The following CCDC148 variants were observed in gnomAD, a reference collection of about 807,000 sequenced individuals.
The protein encoded by CCDC148 is coiled-coil domain-containing protein 148.
CCDC148 carries 89 observed loss-of-function variants against 85.7 expected under a neutral mutation model. That is an observed-to-expected ratio of 1.04 (90% CI 0.87 to 1.24). CCDC148 has a LOEUF of 1.24. CCDC148 is among the 50% of genes most tolerant of loss of function. CCDC148 has a pLI of 0.00. For synonymous variants in CCDC148, 230 were observed against 213.9 expected, an observed-to-expected ratio of 1.08 and a Z score of -0.66; for missense variants, 692 against 671.7, an observed-to-expected ratio of 1.03 and a Z score of -0.33.
chr2:158,176,201 AAAC>A (rs1684574431), intron 13 of CCDC148, among the ~76,000 whole-genome samples: 1 of 151,916 alleles, frequency 6.6e-6, no homozygotes, highest in Non-Finnish European at 1.5e-5. Context: ...ATAAACATTT[AAAC>A]AACAAAATAC....
intron 11 of CCDC148, among the ~76,000 whole-genome samples, chr2:158,200,765 TTCCCTTTTAA>T (rs917132440): frequency 1.5e-4 from 23 of 152,300 alleles, no homozygotes; most frequent in Middle Eastern, 3.4e-3. Flanking sequence ...GGCATATTTT[TTCCCTTTTAA>T]TTTAGTAATT....
chr2:158,400,202 A>G (rs1312030980), intron 1 of CCDC148, among the ~76,000 whole-genome samples: 1 of 152,200 alleles, frequency 6.6e-6, no homozygotes, highest in African/African-American at 2.4e-5. Flanking sequence ...GAATTCGAAT[A>G]AACTACTTCA....
intron 2 of CCDC148, among the ~76,000 whole-genome samples, chr2:158,355,706 C>T (rs1186335937): frequency 7.6e-6 from 1 of 131,488 alleles, no homozygotes; most frequent in African/African-American, 3.2e-5. Flanking sequence ...CAATGCCTTT[C>T]TTCACAGAAT....
At chr2:158,447,131 G>T (rs541125253) in intron 1 of CCDC148, 1 of 152,264 alleles carries the variant, frequency 6.6e-6, no homozygotes, top group East Asian at 1.9e-4. Flanking sequence ...TATGGTATAA[G>T]TTTATATTTA....
chr2:158,425,895 C>T (rs1687054719), intron 1 of CCDC148, among the ~76,000 whole-genome samples: 1 of 152,144 alleles, frequency 6.6e-6, no homozygotes, highest in Non-Finnish European at 1.5e-5. Flanking sequence ...TTCTAGTAGA[C>T]CATGTGTCCT....
At chr2:158,361,215 T>C (rs1683930296) in intron 1 of CCDC148, among the ~76,000 whole-genome samples, 1 of 150,500 alleles carries the variant, frequency 6.6e-6, no homozygotes, top group African/African-American at 2.4e-5. Flanking sequence ...TACCTGAAAG[T>C]GACAGGGAGA....
At chr2:158,315,192 G>A (rs561413012) in intron 7 of CCDC148, among the ~76,000 whole-genome samples, 125 of 152,280 alleles carry the variant, frequency 8.2e-4, no homozygotes, top group Middle Eastern at 3.4e-3. Context: ...AAGCAGTTAT[G>A]CACGTATAGA....
chr2:158,246,446 A>G (rs1688572930), intron 10 of CCDC148, among the ~76,000 whole-genome samples: 1 of 152,168 alleles, frequency 6.6e-6, no homozygotes, highest in African/African-American at 2.4e-5. Context: ...CCTCAAACAC[A>G]TAGAAATGCT....
At chr2:158,367,548 A>AT (rs1455453575) in intron 1 of CCDC148, among the ~76,000 whole-genome samples, 2 of 152,072 alleles carry the variant, frequency 1.3e-5, no homozygotes, top group Non-Finnish European at 1.5e-5. Context: ...ACCCTGTCTA[A>AT]TTTTTTCCTC....
intron 11 of CCDC148, among the ~76,000 whole-genome samples, chr2:158,197,915 T>C (rs1412050647): frequency 6.6e-6 from 1 of 152,096 alleles, no homozygotes; most frequent in Non-Finnish European, 1.5e-5. Context: ...AATTAATCAA[T>C]TAATTCTAAT....
intron 11 of CCDC148, among the ~76,000 whole-genome samples, chr2:158,195,471 G>A (rs1348536559): frequency 2.6e-5 from 4 of 152,008 alleles, no homozygotes; most frequent in African/African-American, 9.7e-5. Context: ...CTTGTTCCCT[G>A]TGAAGTTTTG....
At chr2:158,440,708 A>AT (rs1032130666) in intron 1 of CCDC148, among the ~76,000 whole-genome samples, 1 of 152,212 alleles carries the variant, frequency 6.6e-6, no homozygotes, top group Non-Finnish European at 1.5e-5. Flanking sequence ...AAATATCTTA[A>AT]TTTTTTGGCA....
chr2:158,311,339 C>A, intron 8 of CCDC148, among the ~76,000 whole-genome samples: 1 of 152,336 alleles, frequency 6.6e-6, no homozygotes, highest in Middle Eastern at 3.4e-3. Flanking sequence ...GGCGTGGCGG[C>A]GCGAGCCTGC....
intron 9 of CCDC148, among the ~76,000 whole-genome samples, chr2:158,277,784 G>C (rs182817794): frequency 1.8e-3 from 271 of 152,280 alleles, no homozygotes; most frequent in Non-Finnish European, 3.0e-3. Context: ...TTTTAGTAGA[G>C]ATGGGGTTTC....
At chr2:158,258,952 C>T (rs1358424864) in intron 9 of CCDC148, among the ~76,000 whole-genome samples, 1 of 151,694 alleles carries the variant, frequency 6.6e-6, no homozygotes, top group East Asian at 1.9e-4. Context: ...AGTATTTGGC[C>T]CAGCCTGTGT....
At chr2:158,377,968 A>C (rs1351605889) in intron 1 of CCDC148, among the ~76,000 whole-genome samples, 2 of 152,118 alleles carry the variant, frequency 1.3e-5, no homozygotes, top group African/African-American at 4.8e-5. Context: ...GCTAATTAAT[A>C]ACCCTACAAT....
intron 1 of CCDC148, among the ~76,000 whole-genome samples, chr2:158,412,278 T>C (rs889367597): frequency 3.9e-5 from 6 of 152,212 alleles, no homozygotes; most frequent in African/African-American, 1.4e-4. Flanking sequence ...TTGTGCTACC[T>C]GGGTTGCTGT....
At chr2:158,238,996 A>G (rs1236790601) in intron 10 of CCDC148, among the ~76,000 whole-genome samples, 1 of 152,158 alleles carries the variant, frequency 6.6e-6, no homozygotes, top group Non-Finnish European at 1.5e-5. Context: ...GGGAAATTAC[A>G]TAACCCCTAT....
chr2:158,328,197 T>C (rs865840295), intron 7 of CCDC148, among the ~76,000 whole-genome samples: 1 of 152,120 alleles, frequency 6.6e-6, no homozygotes, highest in South Asian at 2.1e-4. Context: ...CAGTGTGCGA[T>C]GTTGCCCTTC....
Sources: allele counts gnomAD v4.1 joint callset (sites outside exome capture counted in the v4.1 genomes callset), GRCh38; gene constraint gnomAD v4.1.1; transcripts MANE v1.5; gene names NCBI Gene and HGNC (gene_info 2026-07-23, HGNC 2026-07-21).